Variants in MATN2 observed in about 807,000 individuals in gnomAD.
MATN2 encodes matrilin-2.
Under a neutral mutation model 103.2 loss-of-function variants are expected in MATN2, and 69 were observed. The ratio of observed to expected loss-of-function variants is 0.67; its 90% confidence interval spans 0.55 to 0.82. The LOEUF is 0.82. MATN2 is among the 40% of genes least tolerant of loss of function. The pLI is 0.00. For missense variants in MATN2, 1,023 were observed against 1,211.5 expected, an observed-to-expected ratio of 0.84 and a Z score of 2.31; for synonymous variants, 429 against 450.2, an observed-to-expected ratio of 0.95 and a Z score of 0.60.
intron 12 of MATN2, among the ~76,000 whole-genome samples, chr8:98,019,130 T>C (rs1016097401): frequency 2.8e-5 from 4 of 140,994 alleles, no homozygotes; most frequent in Admixed American, 1.4e-4. Flanking sequence ...TACACACACA[T>C]ATATATGTGT....
intron 2 of MATN2, among the ~76,000 whole-genome samples, chr8:97,905,582 C>T (rs754374746): frequency 2.8e-4 from 43 of 152,278 alleles, no homozygotes; most frequent in Middle Eastern, 6.8e-3. Context: ...TTCAAAAATA[C>T]GCTACATTTT....
In MATN2 at chr8:97,904,127, C is replaced by T. The variant is rs898137225; in HGVS notation, c.142+15885C>T. Among the ~76,000 whole-genome samples, 4 of 152,132 alleles carry T rather than the reference C, an allele frequency of 2.6e-5. No individual in the cohort carries two copies. In the East Asian group the frequency reaches 7.7e-4, roughly 29 times the overall value. ...TTTTTGCACTCTCTGGTTTTGGTAT[C>T]AAAGTTAAGTTAGCTTCATGAAAAT... On this transcript the variant is annotated intron_variant, in intron 2 of 18. Transcript: ENST00000254898.
At chr8:97,925,046 C>T (rs988245419) in intron 2 of MATN2, among the ~76,000 whole-genome samples, 1 of 152,082 alleles carries the variant, frequency 6.6e-6, no homozygotes, top group Non-Finnish European at 1.5e-5. Flanking sequence ...ATTTGTGAAT[C>T]GGGCAGCACC....
intron 3 of MATN2, among the ~76,000 whole-genome samples, chr8:97,933,567 T>C (rs1425601388): frequency 2.4e-5 from 3 of 123,516 alleles, no homozygotes; most frequent in African/African-American, 3.1e-5. Flanking sequence ...GATATACCAA[T>C]GTGGACTTGT....
chr8:98,030,371 A>G, intron 14 of MATN2, 91 bp from the exon 15 acceptor site: 4 of 949,520 alleles, frequency 4.2e-6, no homozygotes. Context: ...ACCACTTAAC[A>G]TCTAACTGGC....
intron 4 of MATN2, among the ~76,000 whole-genome samples, chr8:97,955,353 C>A (rs1811110645): frequency 6.6e-6 from 1 of 152,148 alleles, no homozygotes; most frequent in Non-Finnish European, 1.5e-5. Flanking sequence ...GATAGTGGCT[C>A]CATGGTGGCA....
intron 4 of MATN2, among the ~76,000 whole-genome samples, chr8:97,956,238 C>T (rs1245382399): frequency 3.3e-5 from 5 of 151,818 alleles, no homozygotes; most frequent in African/African-American, 4.8e-5. Flanking sequence ...AGTGCAGTGG[C>T]GCGATCTCAG....
At chr8:97,893,406 C>A (rs1230720821) in intron 2 of MATN2, among the ~76,000 whole-genome samples, 1 of 152,156 alleles carries the variant, frequency 6.6e-6, no homozygotes, top group East Asian at 1.9e-4. Context: ...GCATGCTGCC[C>A]CACTGCTAAT....
At chr8:97,941,528 A>C (rs1810567073) in intron 3 of MATN2, among the ~76,000 whole-genome samples, 1 of 152,166 alleles carries the variant, frequency 6.6e-6, no homozygotes, top group African/African-American at 2.4e-5. Context: ...TTGTAGATCA[A>C]AACCAATCAA....
intron 2 of MATN2, among the ~76,000 whole-genome samples, chr8:97,896,659 G>A (rs1818816957): frequency 6.6e-6 from 1 of 151,410 alleles, no homozygotes; most frequent in Admixed American, 6.6e-5. Flanking sequence ...AGTGGGATCA[G>A]GTAACACAGC....
intron 6 of MATN2, among the ~76,000 whole-genome samples, chr8:97,988,582 C>T (rs1255273138): frequency 1.3e-5 from 2 of 151,842 alleles, no homozygotes; most frequent in African/African-American, 4.8e-5. Flanking sequence ...GCCACGATCA[C>T]ACCACTGCAC....
At chr8:97,952,699 G>C (rs927455721) in intron 4 of MATN2, among the ~76,000 whole-genome samples, 5 of 152,094 alleles carry the variant, frequency 3.3e-5, no homozygotes, top group African/African-American at 1.2e-4. Flanking sequence ...AAATTCTCCA[G>C]GCACTGAAAC....
At chr8:97,980,744 T>A (rs528433959) in intron 6 of MATN2, among the ~76,000 whole-genome samples, 8 of 151,936 alleles carry the variant, frequency 5.3e-5, no homozygotes, top group African/African-American at 1.4e-4. Flanking sequence ...TTTTTGGTAT[T>A]TTTTGATAGC....
chr8:97,901,395 G>A (rs1371117164), intron 2 of MATN2, among the ~76,000 whole-genome samples: 1 of 152,100 alleles, frequency 6.6e-6, no homozygotes, highest in Non-Finnish European at 1.5e-5. Context: ...TGGGATTACA[G>A]GCACGCACCA....
chr8:97,985,169 A>G (rs576692172), intron 6 of MATN2, among the ~76,000 whole-genome samples: 8 of 152,350 alleles, frequency 5.3e-5, no homozygotes, highest in South Asian at 4.1e-4. Flanking sequence ...TTCCACTCAC[A>G]GCGGGAGGTG....
chr8:97,977,221 G>A (rs1167046320), intron 5 of MATN2, among the ~76,000 whole-genome samples: 1 of 95,584 alleles, frequency 1.0e-5, no homozygotes, highest in Non-Finnish European at 1.9e-5. Context: ...GGGAGACAAA[G>A]TGAGACCCTG....
intron 5 of MATN2, among the ~76,000 whole-genome samples, chr8:97,978,487 T>C (rs1357955928): frequency 6.6e-6 from 1 of 152,222 alleles, no homozygotes; most frequent in African/African-American, 2.4e-5. Flanking sequence ...CATTGTCAAA[T>C]TGCCTTCCAA....
At chr8:97,989,930 C>T (rs1812336681) in intron 6 of MATN2, among the ~76,000 whole-genome samples, 1 of 151,664 alleles carries the variant, frequency 6.6e-6, no homozygotes, top group African/African-American at 2.4e-5. Flanking sequence ...GCTTGTAATC[C>T]CAGCACAATG....
rs753799042 is a variant in MATN2, at chr8:97,931,383, C to A, written c.573C>A (p.Ile191=). ...AGGCACGGGACACGGGCATCCTAAT[C>A]TTTGCCATTGGTGTGGGCCAGGTAG... ...AAKARDTGIL[I]FAIGVGQVDF... The change falls in exon 3 of 19, where the codon ATC becomes ATA. Residue 191 remains isoleucine, a synonymous_variant. Coordinates refer to ENST00000254898, the MANE Select transcript of MATN2 (RefSeq NM_002380.5). This position sits in a 1 kb window ranked among gnomAD's most constrained non-coding sequence, Gnocchi z 4.1. 2 of 1,613,750 alleles carry A rather than the reference C, an allele frequency of 1.2e-6. No homozygotes were observed. Among genetic ancestry groups the A allele is most frequent in the Non-Finnish European group, 1.7e-6 (2 of 1,179,902 alleles).
Sources: allele counts gnomAD v4.1 joint callset (sites outside exome capture counted in the v4.1 genomes callset), GRCh38; gene constraint gnomAD v4.1.1; non-coding constraint Gnocchi (gnomAD v3.1); transcripts MANE v1.5; gene names NCBI Gene and HGNC (gene_info 2026-07-23, HGNC 2026-07-21).